PTPRS: variants seen among roughly 807,000 people sequenced by gnomAD.
PTPRS encodes receptor-type tyrosine-protein phosphatase S.
Under a neutral mutation model 215.3 loss-of-function variants are expected in PTPRS, and 63 were observed. That is an observed-to-expected ratio of 0.29 (90% CI 0.24 to 0.36). The LOEUF is 0.36. Among genes scored for constraint, PTPRS ranks in the 10% least tolerant of loss-of-function variants. PTPRS has a pLI of 1.00. For missense variants in PTPRS, 2,258 were observed against 2,825.8 expected (o/e 0.80, Z 4.56); for synonymous variants, 1,404 against 1,191.4 (o/e 1.18, Z -3.68).
Position 5,218,415 on chromosome 19 carries a change from C to G in PTPRS, c.4048+5G>C. The G allele has an allele frequency of 6.2e-7, 1 of 1,611,318 alleles. No homozygotes were observed. The highest frequency in any genetic ancestry group is 8.5e-7 in the Non-Finnish European group (1 of 1,178,036). ...GCATCCCTGGTACCAGGGATAAGTACATACCTGGAGTCTGGAAGTTAATGC... is the reference window on the plus strand; with the variant it reads ...GCATCCCTGGTACCAGGGATAAGTAGATACCTGGAGTCTGGAAGTTAATGC... On this transcript the variant is annotated splice_donor_5th_base_variant and intron_variant, in intron 25 of 37. Transcript: ENST00000262963.
intron 17 of PTPRS, among the ~76,000 whole-genome samples, chr19:5,223,594 G>A (rs1379986819): frequency 2.9e-5 from 4 of 136,210 alleles, no homozygotes; most frequent in Admixed American, 7.7e-5. Context: ...ACAGAATCTT[G>A]CTCTGTTGCC....
intron 26 of PTPRS, 34 bp from the exon 27 acceptor site, chr19:5,215,629 C>G: frequency 6.6e-7 from 1 of 1,505,484 alleles, no homozygotes; most frequent in Non-Finnish European, 9.0e-7. Flanking sequence ...CGGGGTTGGT[C>G]ACTTGGGGGG....
At position 5,215,420 on chromosome 19, in the gene PTPRS, G is replaced by A. The variant is rs2041332154; in HGVS notation, c.4195-8C>T. 5 of 1,613,634 alleles carry A rather than the reference G, an allele frequency of 3.1e-6. No individual in the cohort carries two copies. The highest frequency in any genetic ancestry group is 4.2e-6 in the Non-Finnish European group (5 of 1,179,762). On this transcript the variant is annotated splice_region_variant and splice_polypyrimidine_tract_variant and intron_variant, in intron 27 of 37. Coordinates refer to ENST00000262963, the MANE Select transcript of PTPRS (RefSeq NM_002850.4). Reference sequence around the variant, plus strand: ...CTGTCCAGGGTCGATGGACTACAGAGGAAGGGGAGAGCGCGGGTGTCAGGG... The same window carrying A: ...CTGTCCAGGGTCGATGGACTACAGAAGAAGGGGAGAGCGCGGGTGTCAGGG...
chr19:5,316,549 C>T (rs1038414436), intron 1 of PTPRS, among the ~76,000 whole-genome samples: 7 of 152,198 alleles, frequency 4.6e-5, no homozygotes, highest in East Asian at 1.9e-4. Flanking sequence ...CACGCCACCA[C>T]GCCCGGCTAA....
chr19:5,235,629 G>C (rs1269952286), intron 13 of PTPRS, among the ~76,000 whole-genome samples: 3 of 152,188 alleles, frequency 2.0e-5, no homozygotes, highest in African/African-American at 7.2e-5. Context: ...CCCATGTTTT[G>C]AGTACCTACT....
chr19:5,267,033 G>A (rs1373664483), intron 4 of PTPRS, among the ~76,000 whole-genome samples: 2 of 152,248 alleles, frequency 1.3e-5, no homozygotes, highest in Middle Eastern at 3.4e-3. Context: ...AGCACCCAGC[G>A]CAGAACCGGG....
intron 2 of PTPRS, among the ~76,000 whole-genome samples, chr19:5,274,951 G>T (rs897057012): frequency 1.3e-5 from 2 of 152,156 alleles, no homozygotes; most frequent in Admixed American, 1.3e-4. Context: ...GACACGAGGG[G>T]TCAGTGCCCA....
At chr19:5,314,218 T>C (rs1281166111) in intron 1 of PTPRS, among the ~76,000 whole-genome samples, 1 of 152,180 alleles carries the variant, frequency 6.6e-6, no homozygotes. Context: ...CTTAAGCATG[T>C]CATTTCCCTT....
In PTPRS at chr19:5,206,601, G is replaced by A; in HGVS notation, c.*173C>T. 1 of 569,296 alleles carries A rather than the reference G, an allele frequency of 1.8e-6. No individual in the cohort carries two copies. Among genetic ancestry groups the A allele is most frequent in the South Asian group, 2.1e-5 (1 of 47,030 alleles). The allele number at this position is 569,296 out of a possible 1,614,324, so 35.3% of individuals were successfully genotyped here. On this transcript the variant is annotated 3_prime_UTR_variant, in exon 38 of 38. Transcript: ENST00000262963. ...CAGGGAGGTCGCTGGGGCGGCCGGG[G>A]CCGGTGGGGGGGCTCGAGGGGCTGC...
chr19:5,240,216 CT>C lies in PTPRS; in HGVS notation c.1686del (p.Gly563AlafsTer22). The C allele has an allele frequency of 6.5e-7, 1 of 1,549,936 alleles. No homozygotes were observed. Among genetic ancestry groups the C allele is most frequent in the Non-Finnish European group, 8.7e-7 (1 of 1,147,114 alleles). ...SIIKYELLFR[E>X]GDHGREVGRT... ...TGCCTCACCTCCCGGCCATGGTCGCCTTCCCGGAAGAGGAGCTCGTACTTGA... is the reference window on the plus strand; with the variant it reads ...TGCCTCACCTCCCGGCCATGGTCGCCTCCCGGAAGAGGAGCTCGTACTTGA... On this transcript the variant is annotated frameshift_variant, in exon 12 of 38. Transcript: ENST00000262963. LOFTEE classifies it high-confidence loss of function.
At chr19:5,262,933 G>C (rs752241472) in intron 6 of PTPRS, 31 bp downstream of exon 6, 23 of 1,571,038 alleles carry the variant, frequency 1.5e-5, no homozygotes, top group Non-Finnish European at 1.9e-5. Context: ...TGGGGCGTTA[G>C]TTGTTGACGT....
chr19:5,275,838 G>C (rs1280069785), intron 2 of PTPRS, among the ~76,000 whole-genome samples: 3 of 151,024 alleles, frequency 2.0e-5, no homozygotes, highest in African/African-American at 7.3e-5. Context: ...AACCAGCCTG[G>C]GGTCTCACTA....
At chr19:5,324,242 A>G (rs1372305779) in intron 1 of PTPRS, among the ~76,000 whole-genome samples, 1 of 151,534 alleles carries the variant, frequency 6.6e-6, no homozygotes, top group East Asian at 1.9e-4. Flanking sequence ...AAAAAAAAAA[A>G]AAAAAAAAAG....
intron 1 of PTPRS, among the ~76,000 whole-genome samples, chr19:5,290,421 G>A (rs1343112133): frequency 1.3e-5 from 2 of 152,204 alleles, no homozygotes; most frequent in South Asian, 2.1e-4. Context: ...GCTCCCCCGC[G>A]GTGCTAATGG....
rs59387521 is a variant in PTPRS at position 5,303,516 on chromosome 19, G to T, written c.-94-17282C>A. On this transcript the variant is annotated intron_variant, in intron 1 of 37. Coordinates refer to ENST00000262963, the MANE Select transcript of PTPRS (RefSeq NM_002850.4). ...AGCGACAGATGGGGATAGAGGACAG[G>T]GGCAGAGGACACAGCACGTGTAAAG... 1.5e-3 allele frequency among the ~76,000 whole-genome samples: 226 copies of T among 152,262 alleles called. 1 individual carries two copies. The highest frequency in any genetic ancestry group is 4.5e-3 in the African/African-American group (188 of 41,548).
chr19:5,335,752 C>A lies in PTPRS; in HGVS notation c.-95+4912G>T, dbSNP rs534626857. 2.6e-5 allele frequency among the ~76,000 whole-genome samples: 4 copies of A among 152,264 alleles called. No homozygotes were observed. In the South Asian group the frequency reaches 8.3e-4, roughly 32 times the overall value. ...GATGGGGACCGGAGGAGGGAGTCCC[C>A]ATGATCCAAAAATCCAGGCTCTGAA... On this transcript the variant is annotated intron_variant, in intron 1 of 37. Transcript: ENST00000262963.
In PTPRS at chr19:5,295,566, G is replaced by A. The variant is rs541805645; in HGVS notation, c.-94-9332C>T. Among the ~76,000 whole-genome samples, 1 of 152,304 alleles carries A rather than the reference G, an allele frequency of 6.6e-6. No homozygotes were observed. The highest frequency in any genetic ancestry group is 6.5e-5 in the Admixed American group (1 of 15,292). ...CCAGACTGTGACCTCAGGAGGCAGA[G>A]CAGGATTTGTCTCGGTCACCCAGTG... On this transcript the variant is annotated intron_variant, in intron 1 of 37. Transcript: ENST00000262963. The surrounding 1 kb of genome is among the most constrained non-coding windows in gnomAD (Gnocchi z 4.6).
rs773778652 is a variant in PTPRS, at chr19:5,223,093, G to A, written c.2699C>T (p.Thr900Met). 12 of 1,563,110 alleles carry A rather than the reference G, an allele frequency of 7.7e-6. No individual in the cohort carries two copies. Among genetic ancestry groups the A allele is most frequent in the Admixed American group, 1.9e-5 (1 of 53,058 alleles). ...YTASGVHKGATYVFRLAARSR... is the reference protein window; with the variant it reads ...YTASGVHKGAMYVFRLAARSR... ...CCGGGCCGCAAGCCGGAACACATAC[G>A]TGGCCCCCTTGTGCACGCCTGATGC... Residue 900 changes from threonine (T) to methionine (M), a missense_variant, in exon 18 of 38, where the codon ACG becomes ATG. By Grantham distance (81) the Thr-to-Met change is moderately conservative (BLOSUM62 -1). Around this residue, in one of 6 missense-constraint regions of PTPRS, gnomAD observed 361 missense variants for 332.6 expected, o/e 1.09. Transcript: ENST00000262963.
At chr19:5,253,154 G>A (rs772426945) in intron 9 of PTPRS, among the ~76,000 whole-genome samples, 2 of 152,166 alleles carry the variant, frequency 1.3e-5, no homozygotes, top group Non-Finnish European at 2.9e-5. Flanking sequence ...AAAAGTCGGA[G>A]GAGGGAGAAT....
Sources: gnomAD v4.1 joint callset for allele counts (sites outside exome capture counted in the v4.1 genomes callset) on GRCh38, gnomAD v4.1.1 for gene constraint, gnomAD v4.1.1 regional missense constraint, Gnocchi (gnomAD v3.1) non-coding constraint, MANE v1.5 for transcripts, NCBI Gene and HGNC (gene_info 2026-07-23, HGNC 2026-07-21) for gene names.